The following ASIC2 variants were observed in gnomAD, a reference collection of about 807,000 sequenced individuals.
The protein encoded by ASIC2 is acid-sensing ion channel 2.
In ASIC2, 25 loss-of-function variants were observed where a neutral mutation model predicts 57.3. The observed-to-expected ratio is 0.44, with a 90% confidence interval of 0.32 to 0.61. The LOEUF is 0.61. ASIC2 is among the 20% of genes least tolerant of loss of function. The pLI is 0.06. For synonymous variants in ASIC2, 319 were observed against 307.5 expected, an observed-to-expected ratio of 1.04 and a Z score of -0.39; for missense variants, 641 against 738.1, an observed-to-expected ratio of 0.87 and a Z score of 1.52.
chr17:33,045,969 C>T (rs1021874431), intron 3 of ASIC2, among the ~76,000 whole-genome samples: 25 of 152,278 alleles, frequency 1.6e-4, no homozygotes, highest in Admixed American at 3.3e-4. Context: ...GCATGCACTG[C>T]GCAACTGCAA....
chr17:33,445,877 T>C (rs1283464958), intron 1 of ASIC2, among the ~76,000 whole-genome samples: 1 of 151,694 alleles, frequency 6.6e-6, no homozygotes, highest in Non-Finnish European at 1.5e-5. Context: ...CTACTGTATG[T>C]GAAATCATGT....
intron 1 of ASIC2, among the ~76,000 whole-genome samples, chr17:34,099,722 G>T (rs894825118): frequency 6.9e-5 from 5 of 72,740 alleles, no homozygotes; most frequent in African/African-American, 2.4e-4. Context: ...AAGAAAGAAA[G>T]AAGGAAAGAA....
intron 1 of ASIC2, among the ~76,000 whole-genome samples, chr17:33,647,179 T>A (rs1488773288): frequency 6.6e-6 from 1 of 152,156 alleles, no homozygotes; most frequent in Non-Finnish European, 1.5e-5. Context: ...TACAACATCT[T>A]GCTGCCTCTG....
rs1226522465 is a variant in ASIC2, at chr17:33,097,078, G to T, written c.860-8088C>A. Among the ~76,000 whole-genome samples, 2 of 152,228 alleles carry T rather than the reference G, an allele frequency of 1.3e-5. 1 individual carries two copies. The highest frequency in any genetic ancestry group is 4.8e-5 in the African/African-American group (2 of 41,464). On this transcript the variant is annotated intron_variant, in intron 2 of 9. Transcript: ENST00000225823. The stretch of plus-strand genomic sequence containing the variant: ...CAGATCCAGAATCCAACCCTTGTCT[G>T]CTGGGCTCTGAGGCCTGTGCTTTTT...
intron 1 of ASIC2, among the ~76,000 whole-genome samples, chr17:33,118,846 C>T (rs1178058523): frequency 3.3e-5 from 5 of 152,010 alleles, no homozygotes; most frequent in Admixed American, 6.5e-5. Context: ...GGATCCTTTT[C>T]CTGGAGCATT....
rs72370903 is a variant in ASIC2, at chr17:33,077,608, GGGGAT to G, written c.987+11250_987+11254del. ...GTAGGTGAGGGACCAGAGGTATTTT[GGGGAT>G]GGAGCAGTCTAACAGATAAGCAGTA... On this transcript the variant is annotated intron_variant, in intron 3 of 9. Transcript: ENST00000225823. Among the ~76,000 whole-genome samples, 794 of 152,294 alleles carry G rather than the reference GGGGAT, an allele frequency of 5.2e-3. 5 individuals carry two copies. Among genetic ancestry groups the G allele is most frequent in the African/African-American group, 0.017 (725 of 41,558 alleles).
At chr17:33,375,924 G>A (rs1191581610) in intron 1 of ASIC2, among the ~76,000 whole-genome samples, 1 of 152,174 alleles carries the variant, frequency 6.6e-6, no homozygotes, top group Admixed American at 6.5e-5. Context: ...TTGGTTTTGG[G>A]GGTGGAGATA....
intron 1 of ASIC2, among the ~76,000 whole-genome samples, chr17:33,150,190 T>A (rs1457885770): frequency 6.6e-6 from 1 of 152,234 alleles, no homozygotes; most frequent in Non-Finnish European, 1.5e-5. Flanking sequence ...CAATTATGGC[T>A]TGGAGGAACC....
intron 1 of ASIC2, among the ~76,000 whole-genome samples, chr17:33,397,339 C>T (rs9895229): frequency 0.26 from 39,755 of 152,084 alleles, 6,032 homozygotes; most frequent in East Asian, 0.72. Flanking sequence ...CTTATCTAGG[C>T]TGGCCATTTG....
At chr17:33,065,403 G>A (rs1598260271) in intron 3 of ASIC2, among the ~76,000 whole-genome samples, 1 of 151,362 alleles carries the variant, frequency 6.6e-6, no homozygotes, top group African/African-American at 2.4e-5. Flanking sequence ...TCAGAATCCT[G>A]AGCTCAAGCA....
chr17:34,008,081 C>T (rs1368008928), intron 1 of ASIC2, among the ~76,000 whole-genome samples: 1 of 152,166 alleles, frequency 6.6e-6, no homozygotes, highest in Non-Finnish European at 1.5e-5. Flanking sequence ...TATAGTTCCT[C>T]ATTTGGCTCA....
intron 1 of ASIC2, among the ~76,000 whole-genome samples, chr17:33,286,287 G>GA (rs1237456380): frequency 6.6e-6 from 1 of 152,240 alleles, no homozygotes; most frequent in Non-Finnish European, 1.5e-5. Context: ...AACTCTTGCA[G>GA]AGGGGGTTGG....
intron 7 of ASIC2, among the ~76,000 whole-genome samples, chr17:33,018,792 ACT>A (rs1002605978): frequency 1.4e-5 from 2 of 142,688 alleles, no homozygotes; most frequent in Non-Finnish European, 3.1e-5. Flanking sequence ...AATCTCTAAG[ACT>A]CTCAGTCTCT....
chr17:33,687,286 AG>A (rs2142061482), intron 1 of ASIC2, among the ~76,000 whole-genome samples: 1 of 152,244 alleles, frequency 6.6e-6, no homozygotes, highest in South Asian at 2.1e-4. Context: ...GCAGAGCCCT[AG>A]GGAGTTGGAA....
chr17:33,287,673 C>T (rs1422131617), intron 1 of ASIC2, among the ~76,000 whole-genome samples: 2 of 152,076 alleles, frequency 1.3e-5, no homozygotes, highest in Non-Finnish European at 2.9e-5. Flanking sequence ...GAGGATAAGA[C>T]CCAACAGACA....
At chr17:33,407,834 A>G (rs1477475584) in intron 1 of ASIC2, among the ~76,000 whole-genome samples, 1 of 152,240 alleles carries the variant, frequency 6.6e-6, no homozygotes, top group Admixed American at 6.5e-5. Flanking sequence ...GCAACCCTAT[A>G]GTCTCTAGCC....
At chr17:33,942,001 TA>T (rs1472657918) in intron 1 of ASIC2, among the ~76,000 whole-genome samples, 1 of 152,176 alleles carries the variant, frequency 6.6e-6, no homozygotes, top group Non-Finnish European at 1.5e-5. Context: ...AGGGCTAGAA[TA>T]TACGTGTACC....
At chr17:33,398,405 A>G (rs1255468837) in intron 1 of ASIC2, among the ~76,000 whole-genome samples, 4 of 152,206 alleles carry the variant, frequency 2.6e-5, no homozygotes, top group Admixed American at 6.5e-5. Context: ...TTTCAAGCCC[A>G]TGACTTTTGG....
At chr17:33,894,506 T>A (rs1288005432) in intron 1 of ASIC2, among the ~76,000 whole-genome samples, 1 of 152,098 alleles carries the variant, frequency 6.6e-6, no homozygotes, top group East Asian at 1.9e-4. Context: ...GCCACCACTA[T>A]GAGAGTCATA....
Sources: gnomAD v4.1 joint callset for allele counts (sites outside exome capture counted in the v4.1 genomes callset) on GRCh38, gnomAD v4.1.1 for gene constraint, MANE v1.5 for transcripts, NCBI Gene and HGNC (gene_info 2026-07-23, HGNC 2026-07-21) for gene names.